The following ZNF609 variants were observed in gnomAD, a reference collection of about 807,000 sequenced individuals.
The protein encoded by ZNF609 is zinc finger protein 609.
In ZNF609, 11 loss-of-function variants were observed where a neutral mutation model predicts 109.5. The observed-to-expected ratio is 0.10, with a 90% CI of 0.06 to 0.17. The LOEUF (loss-of-function observed/expected upper bound fraction) is 0.17, where lower values mean the gene tolerates loss of function less well. Ranked by LOEUF, ZNF609 falls within the 10% of genes least tolerant of loss-of-function variation. ZNF609 has a pLI of 1.00. For synonymous variants in ZNF609, 646 were observed against 662.0 expected (o/e 0.98, Z 0.37); for missense variants, 1,559 against 1,772.4 (o/e 0.88, Z 2.16).
rs200550648 is a variant in ZNF609, at chr15:64,577,213, G to GTATA, written c.748-45607_748-45604dup. Reference sequence around the variant, plus strand: ...TATATACACACAAATACATATATATGTATATATATACACACAAATACATAC... The same window carrying GTATA: ...TATATACACACAAATACATATATATGTATATATATATATACACACAAATACATAC... On this transcript the variant is annotated intron_variant, in intron 2 of 9. Transcript: ENST00000326648. Among the ~76,000 whole-genome samples the GTATA allele has an allele frequency of 3.2e-5, 2 of 63,226 alleles. 1 individual carries two copies. Among genetic ancestry groups the GTATA allele is most frequent in the African/African-American group, 1.1e-4 (2 of 17,676 alleles). The allele number at this position is 63,226 out of a possible 152,430, so 41.5% of individuals were successfully genotyped here. A position where few individuals can be genotyped will look rare whatever the true frequency, so the allele number is the denominator to read the frequency against.
chr15:64,524,123 A>T (rs553206142), intron 2 of ZNF609, among the ~76,000 whole-genome samples: 21 of 151,218 alleles, frequency 1.4e-4, no homozygotes, highest in Admixed American at 4.6e-4. Context: ...CAAACTGTGT[A>T]CCCATCACAT....
chr15:64,582,365 A>T lies in ZNF609; in HGVS notation c.748-40462A>T, dbSNP rs139540796. ...CATCTCCTCTGTTATTTCAGTATCA[A>T]GCATGCTATTCTTCCATCACTCATT... On this transcript the variant is annotated intron_variant, in intron 2 of 9. Coordinates refer to ENST00000326648, the MANE Select transcript of ZNF609 (RefSeq NM_015042.2). Among the ~76,000 whole-genome samples, 132 of 152,296 alleles carry T rather than the reference A, an allele frequency of 8.7e-4. 1 individual carries two copies. Among genetic ancestry groups the T allele is most frequent in the African/African-American group, 3.0e-3 (124 of 41,556 alleles).
intron 2 of ZNF609, among the ~76,000 whole-genome samples, chr15:64,578,780 C>A (rs1383459340): frequency 6.6e-6 from 1 of 152,158 alleles, no homozygotes; most frequent in African/African-American, 2.4e-5. Context: ...GCATGGATTG[C>A]GTGAGCTCAG....
chr15:64,675,121 G>T lies in ZNF609; in HGVS notation c.2267G>T (p.Gly756Val). 1.9e-6 allele frequency: 3 copies of T among 1,614,082 alleles called. No homozygotes were observed. Among genetic ancestry groups the T allele is most frequent in the Non-Finnish European group, 1.7e-6 (2 of 1,180,032 alleles). Residue 756 changes from glycine to valine, a missense_variant, in exon 5 of 10, where the codon GGC (glycine) becomes GTC (valine). Around this residue, in one of 4 missense-constraint regions of ZNF609, gnomAD observed 1,204 missense variants for 1,314.1 expected, o/e 0.92. Coordinates refer to ENST00000326648, the MANE Select transcript of ZNF609 (RefSeq NM_015042.2). ...GGGAAGGTGTGTCGAGCAGAGGAAG[G>T]CAAAAGCCCATTCAGGGAATCTTCA... ...TPGKVCRAEE[G>V]KSPFRESSGD...
chr15:64,511,235 G>T (rs531061734), intron 2 of ZNF609, among the ~76,000 whole-genome samples: 47 of 152,122 alleles, frequency 3.1e-4, no homozygotes, highest in Middle Eastern at 3.4e-3. Context: ...ACTTTGGAAG[G>T]CCGAGGCAGG....
intron 3 of ZNF609, among the ~76,000 whole-genome samples, chr15:64,658,896 G>A (rs572607838): frequency 6.6e-6 from 1 of 152,122 alleles, no homozygotes; most frequent in African/African-American, 2.4e-5. Flanking sequence ...CTCAAAGTGT[G>A]TATTATTCAT....
intron 2 of ZNF609, among the ~76,000 whole-genome samples, chr15:64,570,905 A>G (rs1894850140): frequency 2.6e-5 from 4 of 152,114 alleles, no homozygotes; most frequent in Admixed American, 2.6e-4. Flanking sequence ...ACGCACCTGT[A>G]GTCCCAGCTA....
At chr15:64,663,600 A>C (rs994147398) in intron 3 of ZNF609, among the ~76,000 whole-genome samples, 2 of 152,168 alleles carry the variant, frequency 1.3e-5, no homozygotes, top group African/African-American at 4.8e-5. Flanking sequence ...CTACACATGA[A>C]GTACCAGCAA....
At chr15:64,499,255 T>C (rs1893523761) in intron 1 of ZNF609, 38 bp from the exon 2 acceptor site, 1 of 873,940 alleles carries the variant, frequency 1.1e-6, no homozygotes, top group Non-Finnish European at 1.7e-6. Flanking sequence ...TTGCCTGTAT[T>C]GTTTCTTTTA....
rs758209693 is a variant in ZNF609, at chr15:64,674,931, C to T, written c.2077C>T (p.Gln693Ter). 1 of 1,613,516 alleles carries T rather than the reference C, an allele frequency of 6.2e-7. No individual in the cohort carries two copies. Residue 693 changes from glutamine (Q) to a stop codon, truncating the protein, a stop_gained, in exon 5 of 10, where the codon CAA becomes TAA. Transcript: ENST00000326648. LOFTEE classifies it high-confidence loss of function. ...CTCAGGCTTGACCGCCACAGTGGCA[C>T]AAGCCATGCCCAACAGTCCCCAACT... ...SSSGLTATVA[Q>*]AMPNSPQLKP...
chr15:64,673,625 A>T (rs1896766014), intron 4 of ZNF609, among the ~76,000 whole-genome samples: 1 of 152,206 alleles, frequency 6.6e-6, no homozygotes, highest in Admixed American at 6.5e-5. Context: ...ATGATCTCTA[A>T]CATCTTTTCT....
At chr15:64,641,234 T>TTTTTTTTTTTTTTTG (rs758413589) in intron 3 of ZNF609, among the ~76,000 whole-genome samples, 2 of 140,766 alleles carry the variant, frequency 1.4e-5, no homozygotes, top group African/African-American at 2.6e-5. Context: ...TTTTTTTTTT[T>TTTTTTTTTTTTTTTG]GAGATGGAGT....
In ZNF609 at chr15:64,565,819, A is replaced by C. The variant is rs148718458; in HGVS notation, c.748-57008A>C. ...CTGACCTATACATTCATTTAAAAGC[A>C]TTCTTTAATTGAAGTACTTTATTTT... On this transcript the variant is annotated intron_variant, in intron 2 of 9. Transcript: ENST00000326648. Among the ~76,000 whole-genome samples the C allele has an allele frequency of 1.3e-3, 200 of 152,254 alleles. 1 individual carries two copies. The highest frequency in any genetic ancestry group is 2.4e-3 in the Non-Finnish European group (162 of 68,014).
intron 2 of ZNF609, chr15:64,528,786 C>T (rs1351213230): frequency 1.2e-6 from 1 of 836,944 alleles, no homozygotes. Context: ...GCTGCCCCAG[C>T]ATCGAAGGTA....
At chr15:64,504,592 C>A (rs1893605969) in intron 2 of ZNF609, among the ~76,000 whole-genome samples, 1 of 152,000 alleles carries the variant, frequency 6.6e-6, no homozygotes, top group South Asian at 2.1e-4. Flanking sequence ...GCCTTAGCTC[C>A]CCGAGTAGCT....
intron 1 of ZNF609, among the ~76,000 whole-genome samples, chr15:64,466,686 A>G (rs776560224): frequency 6.6e-6 from 1 of 152,200 alleles, no homozygotes; most frequent in Non-Finnish European, 1.5e-5. Flanking sequence ...AAGAATGTCA[A>G]GTTCTTGATT....
In ZNF609 at chr15:64,625,936, T is replaced by TATAG. The variant is rs1307358546; in HGVS notation, c.973+2885_973+2886insTAGA. Among the ~76,000 whole-genome samples the TATAG allele has an allele frequency of 1.6e-3, 124 of 79,564 alleles. 1 individual carries two copies. In the Middle Eastern group the frequency reaches 0.027, roughly 17 times the overall value. The allele number at this position is 79,564 out of a possible 152,430, so 52.2% of individuals were successfully genotyped here. On this transcript the variant is annotated intron_variant, in intron 3 of 9. Transcript: ENST00000326648. Reference sequence around the variant, plus strand: ...AAAAATATATATATATATATATATATAGAGAGAGAGAGAGAGAGAGAGAGA... The same window carrying TATAG: ...AAAAATATATATATATATATATATATATAGAGAGAGAGAGAGAGAGAGAGAGAGA...
chr15:64,650,579 T>A (rs1162734959), intron 3 of ZNF609, among the ~76,000 whole-genome samples: 1 of 152,064 alleles, frequency 6.6e-6, no homozygotes, highest in East Asian at 1.9e-4. Context: ...GTATGGAAAA[T>A]CTGTACACAA....
chr15:64,508,533 G>A (rs1181660038), intron 2 of ZNF609, among the ~76,000 whole-genome samples: 2 of 152,108 alleles, frequency 1.3e-5, no homozygotes, highest in Non-Finnish European at 2.9e-5. Context: ...CACATAAGGT[G>A]ATAGCTAAGG....
Sources: gnomAD v4.1 joint callset for allele counts (sites outside exome capture counted in the v4.1 genomes callset) on GRCh38, gnomAD v4.1.1 for gene constraint, gnomAD v4.1.1 regional missense constraint, MANE v1.5 for transcripts, NCBI Gene and HGNC (gene_info 2026-07-23, HGNC 2026-07-21) for gene names.